The following PACSIN2 variants were observed in gnomAD, a reference collection of about 807,000 sequenced individuals.
PACSIN2 encodes the protein protein kinase C and casein kinase substrate in neurons 2.
Under a neutral mutation model 63.8 loss-of-function variants are expected in PACSIN2, and 25 were observed. That is an observed-to-expected ratio of 0.39 (90% CI 0.29 to 0.55). The LOEUF (loss-of-function observed/expected upper bound fraction) is 0.55, where lower values mean the gene tolerates loss of function less well. PACSIN2 is among the 20% of genes least tolerant of loss of function. The pLI, the probability that PACSIN2 is intolerant of heterozygous loss-of-function variation, is 0.62. For missense variants in PACSIN2, 518 were observed against 646.9 expected (o/e 0.80, Z 2.16); for synonymous variants, 255 against 256.2 (o/e 1.00, Z 0.05).
chr22:42,957,937 A>G lies in PACSIN2; in HGVS notation c.-77-45780T>C, dbSNP rs575343213. 6.6e-5 allele frequency among the ~76,000 whole-genome samples: 10 copies of G among 152,292 alleles called. No individual in the cohort carries two copies. The South Asian group carries it at 2.1e-3, about 32-fold the overall frequency. On this transcript the variant is annotated intron_variant, in intron 1 of 10. Transcript: ENST00000263246. ...CTAGGGGAGAGGCAAGCAAAACTTT[A>G]TAATATAGAGAATTGTTGATTTTTA...
At chr22:42,926,685 A>G (rs200353380) in intron 1 of PACSIN2, among the ~76,000 whole-genome samples, 2 of 148,820 alleles carry the variant, frequency 1.3e-5, no homozygotes, top group African/African-American at 5.1e-5. Context: ...AAAAAAAAAA[A>G]TCATTCTGGA....
chr22:43,006,925 A>C (rs1262705586), intron 1 of PACSIN2, among the ~76,000 whole-genome samples: 1 of 152,216 alleles, frequency 6.6e-6, no homozygotes, highest in Non-Finnish European at 1.5e-5. Context: ...TTCCCACTCG[A>C]AAAGCCCTTC....
chr22:42,957,981 T>C (rs1933982968), intron 1 of PACSIN2, among the ~76,000 whole-genome samples: 2 of 152,166 alleles, frequency 1.3e-5, no homozygotes, highest in Admixed American at 6.5e-5. Context: ...CAATGCTCTT[T>C]GTACTTGAGG....
chr22:42,902,997 CAG>C (rs1198162858), intron 2 of PACSIN2, among the ~76,000 whole-genome samples: 1 of 152,226 alleles, frequency 6.6e-6, no homozygotes, highest in Non-Finnish European at 1.5e-5. Flanking sequence ...CGTCATCAGC[CAG>C]TAACTTCATG....
At chr22:42,926,535 G>A (rs769546141) in intron 1 of PACSIN2, among the ~76,000 whole-genome samples, 10 of 152,134 alleles carry the variant, frequency 6.6e-5, no homozygotes, top group African/African-American at 2.2e-4. Flanking sequence ...GGAACTCCAC[G>A]AGGACACAGA....
At chr22:42,988,213 G>C (rs764752832) in intron 1 of PACSIN2, among the ~76,000 whole-genome samples, 7 of 151,892 alleles carry the variant, frequency 4.6e-5, no homozygotes, top group African/African-American at 1.2e-4. Flanking sequence ...ATGTAGGTTT[G>C]TCCCAGGCAC....
chr22:43,003,987 T>C (rs372184147), intron 1 of PACSIN2, among the ~76,000 whole-genome samples: 19 of 152,336 alleles, frequency 1.2e-4, no homozygotes, highest in African/African-American at 4.6e-4. Context: ...CCAAGTTAGT[T>C]ACAGACATAG....
intron 1 of PACSIN2, among the ~76,000 whole-genome samples, chr22:42,987,527 A>ATTTTTTTTTTTTTT (rs1922716379): frequency 2.9e-5 from 1 of 34,788 alleles, no homozygotes; most frequent in Non-Finnish European, 4.2e-5. Context: ...GGGCACATTC[A>ATTTTTTTTTTTTTT]TTCTTTTTTT....
intron 1 of PACSIN2, among the ~76,000 whole-genome samples, chr22:42,931,200 G>A (rs976554936): frequency 6.6e-6 from 1 of 152,232 alleles, no homozygotes; most frequent in Non-Finnish European, 1.5e-5. Flanking sequence ...TGGCTTACAC[G>A]AGGCAATGAT....
intron 6 of PACSIN2, among the ~76,000 whole-genome samples, 172 bp from the exon 7 acceptor site, chr22:42,882,476 G>A (rs1372972347): frequency 1.3e-5 from 2 of 152,132 alleles, no homozygotes; most frequent in East Asian, 1.9e-4. Context: ...GGGCCGCCAC[G>A]TGCACAGATG....
At chr22:42,882,141 C>A (rs375937242) in intron 7 of PACSIN2, 43 bp downstream of exon 7, 22 of 1,608,804 alleles carry the variant, frequency 1.4e-5, no homozygotes, top group Non-Finnish European at 1.7e-5. Flanking sequence ...GGGCCCAGGT[C>A]CTCTTCCAGG....
chr22:43,004,727 A>G (rs1923982199), intron 1 of PACSIN2, among the ~76,000 whole-genome samples: 1 of 152,256 alleles, frequency 6.6e-6, no homozygotes, highest in African/African-American at 2.4e-5. Context: ...ATTTCATTCA[A>G]TAGGAAACTT....
chr22:42,953,192 T>C (rs1050122363), intron 1 of PACSIN2, among the ~76,000 whole-genome samples: 9 of 151,964 alleles, frequency 5.9e-5, no homozygotes, highest in Non-Finnish European at 1.0e-4. Flanking sequence ...CCTTCCATTG[T>C]TCAAGAGAAG....
intron 1 of PACSIN2, among the ~76,000 whole-genome samples, chr22:43,005,274 G>A (rs1292158863): frequency 4.6e-5 from 7 of 152,154 alleles, no homozygotes; most frequent in African/African-American, 1.7e-4. Context: ...GAGTCACTAC[G>A]TGTAGTCAAG....
rs1201740152 is a variant in PACSIN2, at chr22:42,871,215, C to G, written c.*142G>C. 1 of 649,164 alleles carries G rather than the reference C, an allele frequency of 1.5e-6. No homozygotes were observed. Among genetic ancestry groups the G allele is most frequent in the Non-Finnish European group, 2.8e-6 (1 of 355,730 alleles). The allele number at this position is 649,164 out of a possible 1,614,324, so 40.2% of individuals were successfully genotyped here. On this transcript the variant is annotated 3_prime_UTR_variant, in exon 11 of 11. Coordinates refer to ENST00000263246, the MANE Select transcript of PACSIN2 (RefSeq NM_001184970.3). The surrounding 1 kb of genome is among the most constrained non-coding windows in gnomAD (Gnocchi z 5.4). The stretch of plus-strand genomic sequence containing the variant: ...GCCGAGTCCCAGGCGAAATGACCAG[C>G]TCATCTGCCTTCCAGGAACACCATG...
chr22:42,906,029 C>T (rs1036974272), intron 2 of PACSIN2, among the ~76,000 whole-genome samples: 2 of 152,264 alleles, frequency 1.3e-5, no homozygotes, highest in Non-Finnish European at 2.9e-5. Context: ...CCAAGCAACA[C>T]CTGCCAAGCT....
chr22:42,927,923 G>A (rs1269623340), intron 1 of PACSIN2, among the ~76,000 whole-genome samples: 1 of 152,032 alleles, frequency 6.6e-6, no homozygotes, highest in African/African-American at 2.4e-5. Flanking sequence ...GTCATGTCAT[G>A]GTCCCATACT....
At chr22:42,919,866 C>T (rs1041012450) in intron 1 of PACSIN2, among the ~76,000 whole-genome samples, 4 of 148,268 alleles carry the variant, frequency 2.7e-5, no homozygotes, top group African/African-American at 9.9e-5. Context: ...CTGGAAATCT[C>T]AACACTTTGA....
intron 1 of PACSIN2, among the ~76,000 whole-genome samples, chr22:42,919,237 A>G (rs1018603920): frequency 2.0e-5 from 3 of 152,208 alleles, no homozygotes; most frequent in African/African-American, 7.2e-5. Context: ...TCTGTAATTC[A>G]GCTATTTGTC....
Sources: gnomAD v4.1 joint callset for allele counts (sites outside exome capture counted in the v4.1 genomes callset) on GRCh38, gnomAD v4.1.1 for gene constraint, Gnocchi (gnomAD v3.1) non-coding constraint, MANE v1.5 for transcripts, NCBI Gene and HGNC (gene_info 2026-07-23, HGNC 2026-07-21) for gene names.